The following MAP4K5 variants were observed in gnomAD, a reference collection of about 807,000 sequenced individuals.
MAP4K5 encodes MAPK/ERK kinase kinase kinase 5.
A neutral mutation model predicts 135.6 loss-of-function variants in MAP4K5; 82 were observed. The observed-to-expected ratio is 0.60, with a 90% CI of 0.51 to 0.73. The LOEUF (loss-of-function observed/expected upper bound fraction) is 0.73, where lower values mean the gene tolerates loss of function less well. Among genes scored for constraint, MAP4K5 ranks in the 30% least tolerant of loss-of-function variants. The pLI is 0.00. For missense variants in MAP4K5, 907 were observed against 1,010.9 expected (o/e 0.90, Z 1.39); for synonymous variants, 347 against 335.0 (o/e 1.04, Z -0.39).
intron 3 of MAP4K5, among the ~76,000 whole-genome samples, chr14:50,487,804 C>T (rs984173988): frequency 2.0e-5 from 3 of 152,062 alleles, no homozygotes; most frequent in African/African-American, 7.2e-5. Context: ...TGTGTTCACT[C>T]GCGGGCACCA....
chr14:50,475,458 A>G (rs1484355139), intron 8 of MAP4K5, among the ~76,000 whole-genome samples: 2 of 152,034 alleles, frequency 1.3e-5, no homozygotes, highest in Non-Finnish European at 2.9e-5. Flanking sequence ...AACACATGGG[A>G]GAAACACACA....
intron 3 of MAP4K5, among the ~76,000 whole-genome samples, chr14:50,491,313 C>G (rs2037478705): frequency 6.6e-6 from 1 of 150,582 alleles, no homozygotes; most frequent in African/African-American, 2.4e-5. Context: ...AGCACAAAGT[C>G]TATTATCTCT....
chr14:50,445,871 G>A (rs2036335675), intron 17 of MAP4K5, among the ~76,000 whole-genome samples: 1 of 151,970 alleles, frequency 6.6e-6, no homozygotes, highest in African/African-American at 2.4e-5. Flanking sequence ...ACGCCTGGCC[G>A]CCTTTTTCTA....
At position 50,442,800 on chromosome 14, in the gene MAP4K5, G is replaced by C; in HGVS notation, c.1496C>G (p.Ser499Ter). The change falls in exon 21 of 33, where the codon TCA becomes TGA. Residue 499 changes from serine (S) to a stop codon, truncating the protein, a stop_gained. Transcript: ENST00000682126. LOFTEE classifies it high-confidence loss of function. ...CAAAGGACAGCCATCAAAAACTTTTGAAAAGCATGCTCCCATCTTATTTAT... is the reference window on the plus strand; with the variant it reads ...CAAAGGACAGCCATCAAAAACTTTTCAAAAGCATGCTCCCATCTTATTTAT... ...TPKVLMGACF[S>*]KVFDGCPLKI... 6.3e-7 allele frequency: 1 copy of C among 1,589,060 alleles called. No homozygotes were observed. The highest frequency in any genetic ancestry group is 8.6e-7 in the Non-Finnish European group (1 of 1,165,560).
intron 2 of MAP4K5, among the ~76,000 whole-genome samples, chr14:50,524,297 T>C (rs1457602212): frequency 6.6e-6 from 1 of 152,168 alleles, no homozygotes; most frequent in African/African-American, 2.4e-5. Flanking sequence ...CTACATTCCC[T>C]CTACTTCCTC....
intron 4 of MAP4K5, 63 bp downstream of exon 4, chr14:50,486,039 GGA>G (rs768417663): frequency 2.2e-5 from 15 of 668,712 alleles, no homozygotes; most frequent in Middle Eastern, 2.4e-4. Flanking sequence ...TACATACAAG[GGA>G]GAGAGTGTAG....
In MAP4K5 at chr14:50,519,632, C is replaced by T. The variant is rs147460706; in HGVS notation, c.108+12310G>A. Among the ~76,000 whole-genome samples the T allele has an allele frequency of 5.0e-3, 755 of 150,620 alleles. 7 individuals are homozygous for T. Among genetic ancestry groups the T allele is most frequent in the African/African-American group, 0.017 (712 of 40,896 alleles). On this transcript the variant is annotated intron_variant, in intron 2 of 32. Transcript: ENST00000682126. ...TTGTGCCACTGTACTCCAGCCTGGGCGACAAAGTGAGACTCCATCTCAAAA... is the reference window on the plus strand; with the variant it reads ...TTGTGCCACTGTACTCCAGCCTGGGTGACAAAGTGAGACTCCATCTCAAAA...
intron 1 of MAP4K5, among the ~76,000 whole-genome samples, chr14:50,558,522 T>A (rs2038792905): frequency 6.6e-6 from 1 of 152,192 alleles, no homozygotes; most frequent in Non-Finnish European, 1.5e-5. Flanking sequence ...ATTTAAGCAT[T>A]TTTTTGTGAT....
chr14:50,466,548 T>G, intron 11 of MAP4K5, 35 bp downstream of exon 11: 1 of 1,083,280 alleles, frequency 9.2e-7, no homozygotes, highest in Non-Finnish European at 1.4e-6. Flanking sequence ...CTTTCGATTG[T>G]AAAATTCTAT....
chr14:50,491,266 C>A (rs902828756), intron 3 of MAP4K5, among the ~76,000 whole-genome samples: 15 of 151,854 alleles, frequency 9.9e-5, no homozygotes, highest in African/African-American at 3.6e-4. Flanking sequence ...ATTAATTCAA[C>A]CAATGTCTAT....
intron 2 of MAP4K5, among the ~76,000 whole-genome samples, chr14:50,531,444 T>C (rs2038385518): frequency 6.6e-6 from 1 of 152,246 alleles, no homozygotes; most frequent in African/African-American, 2.4e-5. Context: ...GGGATAATGC[T>C]TGCATAAATG....
chr14:50,428,017 A>C (rs1156392160), intron 30 of MAP4K5, among the ~76,000 whole-genome samples: 3 of 152,236 alleles, frequency 2.0e-5, no homozygotes, highest in African/African-American at 7.2e-5. Flanking sequence ...TTAATGCAGC[A>C]AAGGGAATAA....
At chr14:50,515,448 C>A (rs1043278550) in intron 2 of MAP4K5, among the ~76,000 whole-genome samples, 1 of 152,156 alleles carries the variant, frequency 6.6e-6, no homozygotes, top group Non-Finnish European at 1.5e-5. Context: ...TTCTCCATGA[C>A]CACCAATTAT....
chr14:50,550,364 A>G (rs2038687109), intron 1 of MAP4K5, among the ~76,000 whole-genome samples: 1 of 152,204 alleles, frequency 6.6e-6, no homozygotes, highest in Non-Finnish European at 1.5e-5. Flanking sequence ...CCTACTGAAC[A>G]TCTGTGTTTG....
intron 28 of MAP4K5, among the ~76,000 whole-genome samples, chr14:50,431,341 C>T (rs1443800346): frequency 3.9e-5 from 6 of 152,130 alleles, no homozygotes; most frequent in Non-Finnish European, 5.9e-5. Flanking sequence ...CCATCTGGTG[C>T]GCTGCACCCA....
intron 2 of MAP4K5, among the ~76,000 whole-genome samples, chr14:50,529,713 T>C (rs2038345310): frequency 6.6e-6 from 1 of 151,410 alleles, no homozygotes. Context: ...ATCGGGAGGA[T>C]GTGAAAAAAA....
At chr14:50,447,986 G>A (rs1440939770) in intron 15 of MAP4K5, among the ~76,000 whole-genome samples, 1 of 151,700 alleles carries the variant, frequency 6.6e-6, no homozygotes, top group Non-Finnish European at 1.5e-5. Context: ...ATAATATCTT[G>A]CTTCATTACT....
chr14:50,560,631 G>T (rs1461168933), intron 1 of MAP4K5: 8 of 383,718 alleles, frequency 2.1e-5, no homozygotes, highest in Non-Finnish European at 3.0e-5. Flanking sequence ...CTTAGCGATC[G>T]GTTGGGAGGA....
At chr14:50,459,150 G>A (rs1482578470) in intron 13 of MAP4K5, among the ~76,000 whole-genome samples, 1 of 152,100 alleles carries the variant, frequency 6.6e-6, no homozygotes, top group Non-Finnish European at 1.5e-5. Context: ...TTCTCTCCAA[G>A]CTACAATGAC....
Sources: gnomAD v4.1 joint callset for allele counts (sites outside exome capture counted in the v4.1 genomes callset) on GRCh38, gnomAD v4.1.1 for gene constraint, MANE v1.5 for transcripts, NCBI Gene and HGNC (gene_info 2026-07-23, HGNC 2026-07-21) for gene names.